Variants in MOB2 observed in about 807,000 individuals in gnomAD.
The protein encoded by MOB2 is MOB kinase activator 2, also known as MOB2 Mps One Binder homolog.
Under a neutral mutation model 27.4 loss-of-function variants are expected in MOB2, and 14 were observed. The ratio of observed to expected loss-of-function variants is 0.51; its 90% CI spans 0.34 to 0.80. MOB2 has a LOEUF of 0.80. Among genes scored for constraint, MOB2 ranks in the 30% least tolerant of loss-of-function variants. The probability of loss-of-function intolerance (pLI) is 0.01; values close to 1 mark genes in which losing one functional copy is unlikely to be tolerated. For missense variants in MOB2, 304 were observed against 354.6 expected (o/e 0.86, Z 1.15); for synonymous variants, 167 against 151.8 (o/e 1.10, Z -0.74).
At chr11:1,484,903 G>GC (rs1031461133) in intron 1 of MOB2, among the ~76,000 whole-genome samples, 6 of 151,960 alleles carry the variant, frequency 3.9e-5, no homozygotes, top group East Asian at 1.9e-4. Context: ...TTAATTGTCT[G>GC]CCCCCCCAAA....
Position 1,486,473 on chromosome 11 carries a change from C to T in MOB2, c.84G>A (p.Val28=), listed in dbSNP as rs77383903. The T allele has an allele frequency of 1.9e-4, 289 of 1,535,880 alleles. 2 individuals are homozygous for T. In the East Asian group the frequency reaches 6.0e-3, roughly 32 times the overall value. ...TGAGCACTTTGCTGACAGCCTGAAG[C>T]ACCATTTTGCAGCAGAGTCCACTTT... The part of the protein sequence containing the change: ...SLQSGLCCKM[V]LQAVSKVLRK... Residue 28 remains valine, a synonymous_variant, in exon 1 of 5, where the codon GTG becomes GTA. Transcript: ENST00000329957.
chr11:1,482,753 G>A (rs905614026), intron 1 of MOB2, among the ~76,000 whole-genome samples: 23 of 152,210 alleles, frequency 1.5e-4, no homozygotes, highest in African/African-American at 5.1e-4. Context: ...GCAGGTGGAC[G>A]GGCACTGGCC....
chr11:1,479,362 T>G (rs1234538105), intron 3 of MOB2, among the ~76,000 whole-genome samples: 3 of 152,212 alleles, frequency 2.0e-5, no homozygotes, highest in Admixed American at 1.3e-4. Flanking sequence ...ACATTGAGCT[T>G]GCTCCCCTCA....
chr11:1,471,384 A>T lies in MOB2; in HGVS notation c.401T>A (p.Val134Asp). The change falls in exon 4 of 5, where the codon GTC becomes GAC. Residue 134 changes from valine to aspartate, a missense_variant. Transcript: ENST00000329957. Reference protein sequence around the residue: ...YYWYDERGKKVKCTAPQYVDF... With the variant: ...YYWYDERGKKDKCTAPQYVDF... Reference sequence around the variant, plus strand: ...AACGTACTGTGGGGCCGTGCACTTGACCTTCTTCCCCCGCTCGTCATACCA... The same window carrying T: ...AACGTACTGTGGGGCCGTGCACTTGTCCTTCTTCCCCCGCTCGTCATACCA... The T allele has an allele frequency of 2.5e-6, 4 of 1,613,460 alleles. No homozygotes were observed. Among genetic ancestry groups the T allele is most frequent in the Non-Finnish European group, 2.5e-6 (3 of 1,179,772 alleles).
At chr11:1,485,353 G>A (rs1243042871) in intron 1 of MOB2, among the ~76,000 whole-genome samples, 3 of 152,206 alleles carry the variant, frequency 2.0e-5, no homozygotes, top group Non-Finnish European at 4.4e-5. Flanking sequence ...CACCATTCCT[G>A]ATTTGAACTC....
rs369411112 is a variant in MOB2, at chr11:1,480,852, G to A, written c.144C>T (p.Pro48=). ...KSKAKPNGKK[P]AAEERKAYLE... The stretch of plus-strand genomic sequence containing the variant: ...GGTAGGCCTTCCTCTCCTCCGCAGC[G>A]GGCTTCTTGCCATTAGGCTTGGCTT... The change falls in exon 2 of 5, where the codon CCC becomes CCT. Residue 48 remains proline (P), a synonymous_variant. Coordinates refer to ENST00000329957, the MANE Select transcript of MOB2 (RefSeq NM_001172223.3). 103 of 1,566,414 alleles carry A rather than the reference G, an allele frequency of 6.6e-5. No individual in the cohort carries two copies. Among genetic ancestry groups the A allele is most frequent in the African/African-American group, 1.2e-4 (9 of 73,722 alleles).
intron 1 of MOB2, among the ~76,000 whole-genome samples, chr11:1,482,519 A>G (rs1282117911): frequency 6.6e-6 from 1 of 152,174 alleles, no homozygotes; most frequent in Non-Finnish European, 1.5e-5. Flanking sequence ...CCACTCCGGC[A>G]CTGGCACCTC....
chr11:1,477,566 T>C (rs1590764342), intron 3 of MOB2, among the ~76,000 whole-genome samples: 1 of 152,134 alleles, frequency 6.6e-6, no homozygotes, highest in Non-Finnish European at 1.5e-5. Context: ...GGTGGCTCCG[T>C]CGCCCTGCCT....
intron 3 of MOB2, among the ~76,000 whole-genome samples, chr11:1,478,082 C>A (rs1043712586): frequency 6.6e-6 from 1 of 152,246 alleles, no homozygotes; most frequent in Non-Finnish European, 1.5e-5. Context: ...GCAACTCAAC[C>A]CCACATGCTC....
At chr11:1,479,769 G>C (rs1847889384) in intron 3 of MOB2, among the ~76,000 whole-genome samples, 1 of 152,224 alleles carries the variant, frequency 6.6e-6, no homozygotes, top group South Asian at 2.1e-4. Context: ...GCCCTCCTCA[G>C]CCGCACATGT....
chr11:1,485,756 C>T (rs958265676), intron 1 of MOB2, among the ~76,000 whole-genome samples: 2 of 152,144 alleles, frequency 1.3e-5, no homozygotes, highest in African/African-American at 4.8e-5. Flanking sequence ...CACGGGTGCA[C>T]GCTCCCACAC....
intron 3 of MOB2, among the ~76,000 whole-genome samples, chr11:1,474,112 G>A (rs574022470): frequency 6.6e-5 from 10 of 152,356 alleles, no homozygotes; most frequent in African/African-American, 1.7e-4. Context: ...TGTCCCGACC[G>A]GCATGTGGGC....
rs1847752407 is a variant in MOB2 at position 1,469,627 on chromosome 11, G to A, written c.*545C>T. The A allele has an allele frequency of 4.4e-6, 2 of 456,912 alleles. No individual in the cohort carries two copies. Among genetic ancestry groups the A allele is most frequent in the East Asian group, 6.9e-5 (1 of 14,402 alleles). The allele number at this position is 456,912 out of a possible 1,614,324, so 28.3% of individuals were successfully genotyped here. ...CATGGAGGAGGCAGCAGGAAGGGGT[G>A]ACAGGAGCAGGAGCAGGTGCAGGGC... On this transcript the variant is annotated 3_prime_UTR_variant, in exon 5 of 5. Transcript: ENST00000329957.
At chr11:1,474,102 T>A (rs750161137) in intron 3 of MOB2, among the ~76,000 whole-genome samples, 5 of 152,264 alleles carry the variant, frequency 3.3e-5, no homozygotes, top group Non-Finnish European at 5.9e-5. Flanking sequence ...CCAGCACCAG[T>A]GTCCCGACCG....
chr11:1,483,895 T>C (rs904852062), intron 1 of MOB2, among the ~76,000 whole-genome samples: 4 of 152,134 alleles, frequency 2.6e-5, no homozygotes, highest in Non-Finnish European at 2.9e-5. Context: ...GTGGAAAACT[T>C]AGACAACCAC....
intron 3 of MOB2, among the ~76,000 whole-genome samples, chr11:1,474,790 T>G (rs1564909261): frequency 6.6e-6 from 1 of 152,262 alleles, no homozygotes; most frequent in Non-Finnish European, 1.5e-5. Context: ...TGGACTCTAC[T>G]GTGTTCCATG....
intron 3 of MOB2, 124 bp from the exon 4 acceptor site, chr11:1,471,543 G>T: frequency 1.6e-6 from 2 of 1,221,620 alleles, no homozygotes; most frequent in South Asian, 1.4e-5. Context: ...GGCAGACCCA[G>T]GTGTCTCCCT....
intron 3 of MOB2, among the ~76,000 whole-genome samples, chr11:1,475,996 C>G (rs1275040667): frequency 6.6e-6 from 1 of 152,228 alleles, no homozygotes; most frequent in Admixed American, 6.5e-5. Context: ...CGCCTCATGT[C>G]ACATAAGAGC....
chr11:1,474,796 C>A (rs1198866265), intron 3 of MOB2, among the ~76,000 whole-genome samples: 1 of 152,238 alleles, frequency 6.6e-6, no homozygotes, highest in African/African-American at 2.4e-5. Context: ...CTACTGTGTT[C>A]CATGGAGCTC....
Sources: allele counts gnomAD v4.1 joint callset (sites outside exome capture counted in the v4.1 genomes callset), GRCh38; gene constraint gnomAD v4.1.1; transcripts MANE v1.5; gene names NCBI Gene and HGNC (gene_info 2026-07-23, HGNC 2026-07-21).